The following PRKCB variants were observed in gnomAD, a reference collection of about 807,000 sequenced individuals.
The protein encoded by PRKCB is protein kinase C beta, also known as protein kinase C beta type.
A neutral mutation model predicts 81.5 loss-of-function variants in PRKCB; 13 were observed. That is an observed-to-expected ratio of 0.16 (90% CI 0.10 to 0.25). PRKCB has a LOEUF of 0.25. Among genes scored for constraint, PRKCB ranks in the 10% least tolerant of loss-of-function variants. The probability of loss-of-function intolerance (pLI) is 1.00; values close to 1 mark genes in which losing one functional copy is unlikely to be tolerated. For missense variants in PRKCB, 509 were observed against 875.7 expected, an observed-to-expected ratio of 0.58 and a Z score of 5.29; for synonymous variants, 335 against 321.4, an observed-to-expected ratio of 1.04 and a Z score of -0.45.
At chr16:23,841,420 G>A (rs1338502418) in intron 2 of PRKCB, among the ~76,000 whole-genome samples, 1 of 151,114 alleles carries the variant, frequency 6.6e-6, no homozygotes, top group Non-Finnish European at 1.5e-5. Flanking sequence ...ACCTGCATTT[G>A]AGCTTTAATT....
At chr16:23,886,628 G>C (rs1963207852) in intron 2 of PRKCB, among the ~76,000 whole-genome samples, 1 of 151,998 alleles carries the variant, frequency 6.6e-6, no homozygotes, top group African/African-American at 2.4e-5. Flanking sequence ...GGCCAGGCTG[G>C]TCTCGAACTC....
chr16:24,071,174 C>A (rs567791010), intron 5 of PRKCB, among the ~76,000 whole-genome samples: 219 of 152,102 alleles, frequency 1.4e-3, no homozygotes, highest in Admixed American at 1.5e-3. Flanking sequence ...GCTTAATGAC[C>A]TCGTCTTCAT....
intron 9 of PRKCB, among the ~76,000 whole-genome samples, chr16:24,144,718 C>G (rs1346984216): frequency 6.6e-6 from 1 of 152,140 alleles, no homozygotes; most frequent in Non-Finnish European, 1.5e-5. Context: ...TTGGATGGAG[C>G]CTTATGTAAA....
intron 2 of PRKCB, among the ~76,000 whole-genome samples, chr16:23,871,450 T>A (rs1251276541): frequency 6.6e-6 from 1 of 152,110 alleles, no homozygotes; most frequent in African/African-American, 2.4e-5. Context: ...CCCCTCTGTC[T>A]CTCTTCCCCA....
chr16:24,189,775 G>A (rs1967761974), intron 15 of PRKCB, among the ~76,000 whole-genome samples: 1 of 152,148 alleles, frequency 6.6e-6, no homozygotes, highest in Non-Finnish European at 1.5e-5. Flanking sequence ...TTGCGAGGGG[G>A]CAACAGGCTG....
chr16:23,989,861 A>T (rs7194577), intron 3 of PRKCB, among the ~76,000 whole-genome samples: 1 of 151,894 alleles, frequency 6.6e-6, no homozygotes, highest in South Asian at 2.1e-4. Context: ...TAGCTGCTGA[A>T]TGAGGATGTG....
chr16:23,988,685 C>T (rs923598013), intron 3 of PRKCB, 95 bp downstream of exon 3: 44 of 1,164,324 alleles, frequency 3.8e-5, no homozygotes, highest in South Asian at 1.1e-4. Flanking sequence ...TAAGTGTGGA[C>T]GATCTCACTC....
chr16:23,876,097 T>C (rs761483346), intron 2 of PRKCB, among the ~76,000 whole-genome samples: 3 of 152,234 alleles, frequency 2.0e-5, no homozygotes, highest in Non-Finnish European at 4.4e-5. Flanking sequence ...ATTGATCAAC[T>C]CATTTACACA....
chr16:24,115,517 CCCAAGAGCATTTAT>C (rs1245646399), intron 8 of PRKCB, among the ~76,000 whole-genome samples: 2 of 151,560 alleles, frequency 1.3e-5, no homozygotes, highest in African/African-American at 4.9e-5. Context: ...TAGCATTTAT[CCCAAGAGCATTTAT>C]CCAAGAGCAT....
At chr16:24,011,018 C>T (rs1383071409) in intron 3 of PRKCB, among the ~76,000 whole-genome samples, 2 of 152,152 alleles carry the variant, frequency 1.3e-5, no homozygotes, top group African/African-American at 2.4e-5. Context: ...GCATGTGCCG[C>T]TACGCCTGGT....
At chr16:23,916,457 A>C (rs1240728630) in intron 2 of PRKCB, among the ~76,000 whole-genome samples, 1 of 152,142 alleles carries the variant, frequency 6.6e-6, no homozygotes, top group African/African-American at 2.4e-5. Context: ...TCGAATAGTT[A>C]TATGTACTCA....
At chr16:24,067,968 G>A (rs540503800) in intron 5 of PRKCB, among the ~76,000 whole-genome samples, 1 of 151,600 alleles carries the variant, frequency 6.6e-6, no homozygotes, top group East Asian at 1.9e-4. Flanking sequence ...AAGAGAGAGA[G>A]AGAGAGCTGA....
chr16:24,152,092 G>C (rs922885647), intron 9 of PRKCB, among the ~76,000 whole-genome samples: 1 of 152,084 alleles, frequency 6.6e-6, no homozygotes, highest in Non-Finnish European at 1.5e-5. Flanking sequence ...GTCAGGGAGA[G>C]TGTATTAGTC....
intron 5 of PRKCB, among the ~76,000 whole-genome samples, chr16:24,065,651 T>C (rs903233245): frequency 6.6e-6 from 1 of 152,234 alleles, no homozygotes; most frequent in Non-Finnish European, 1.5e-5. Flanking sequence ...GGGATCATTT[T>C]CTTTCTCTCT....
chr16:23,962,771 T>TG (rs1964443011), intron 2 of PRKCB, among the ~76,000 whole-genome samples: 1 of 152,136 alleles, frequency 6.6e-6, no homozygotes, highest in Non-Finnish European at 1.5e-5. Flanking sequence ...TTGATAGTTT[T>TG]GGGGGAGCAA....
chr16:24,185,654 GA>G (rs1967692810), intron 15 of PRKCB, 87 bp downstream of exon 15: 1 of 1,098,794 alleles, frequency 9.1e-7, no homozygotes, highest in Non-Finnish European at 1.4e-6. Flanking sequence ...CACCAGGGGG[GA>G]ACACAGCCTG....
Position 24,122,811 on chromosome 16 carries a change from T to A in PRKCB, c.919-1024T>A, listed in dbSNP as rs75542643. On this transcript the variant is annotated intron_variant, in intron 8 of 16. Coordinates refer to ENST00000643927, the MANE Select transcript of PRKCB (RefSeq NM_002738.7). ...TTCTCTCTGCTAAACGTGAATCCAGTAACGAAGTCCTGGCAGCTGCAGGTC... is the reference window on the plus strand; with the variant it reads ...TTCTCTCTGCTAAACGTGAATCCAGAAACGAAGTCCTGGCAGCTGCAGGTC... Among the ~76,000 whole-genome samples the A allele has an allele frequency of 5.9e-5, 9 of 152,264 alleles. No individual in the cohort carries two copies. In the East Asian group the frequency reaches 1.5e-3, roughly 26 times the overall value.
At position 23,900,218 on chromosome 16, in the gene PRKCB, G is replaced by A. The variant is rs544915590; in HGVS notation, c.205+62812G>A. 7.2e-5 allele frequency among the ~76,000 whole-genome samples: 11 copies of A among 152,256 alleles called. 1 individual carries two copies. In the South Asian group the frequency reaches 2.3e-3, roughly 32 times the overall value. On this transcript the variant is annotated intron_variant, in intron 2 of 16. Coordinates refer to ENST00000643927, the MANE Select transcript of PRKCB (RefSeq NM_002738.7). ...CCACAGTGTCCACAGTGCCATGGTT[G>A]AGAAACCTTGATCTAACTGCTTATG...
intron 5 of PRKCB, among the ~76,000 whole-genome samples, chr16:24,056,339 G>T (rs765718978): frequency 1.3e-5 from 2 of 152,166 alleles, no homozygotes; most frequent in Non-Finnish European, 2.9e-5. Context: ...GGTCATACAG[G>T]TTCCCCTAGA....
Sources: gnomAD v4.1 joint callset for allele counts (sites outside exome capture counted in the v4.1 genomes callset) on GRCh38, gnomAD v4.1.1 for gene constraint, MANE v1.5 for transcripts, NCBI Gene and HGNC (gene_info 2026-07-23, HGNC 2026-07-21) for gene names.